The following ANKRD12 variants were observed in gnomAD, a reference collection of about 807,000 sequenced individuals.
ANKRD12 encodes the protein ankyrin repeat domain-containing protein 12.
In ANKRD12, 85 loss-of-function variants were observed where a neutral mutation model predicts 183.4. That is an observed-to-expected ratio of 0.46 (90% CI 0.39 to 0.56). The LOEUF (loss-of-function observed/expected upper bound fraction) is 0.56. Among genes scored for constraint, ANKRD12 ranks in the 20% least tolerant of loss-of-function variants. ANKRD12 has a pLI of 0.00. For synonymous variants in ANKRD12, 914 were observed against 800.2 expected, an observed-to-expected ratio of 1.14 and a Z score of -2.40; for missense variants, 2,405 against 2,357.1, an observed-to-expected ratio of 1.02 and a Z score of -0.42.
At chr18:9,160,453 T>C (rs2031249583) in intron 1 of ANKRD12, among the ~76,000 whole-genome samples, 2 of 152,194 alleles carry the variant, frequency 1.3e-5, no homozygotes, top group Non-Finnish European at 2.9e-5. Flanking sequence ...TTTTTTAGTA[T>C]ATTCACAGTG....
rs574903678 is a variant in ANKRD12, at chr18:9,234,281, C to G, written c.943+12282C>G. Among the ~76,000 whole-genome samples the G allele has an allele frequency of 3.9e-5, 6 of 152,274 alleles. No homozygotes were observed. In the South Asian group the frequency reaches 1.2e-3, roughly 32 times the overall value. The stretch of plus-strand genomic sequence containing the variant: ...GTGCCTGCAATGGTGTTTGGAGCGG[C>G]AGAAGGGATCCCACTCTACATGTGA... On this transcript the variant is annotated intron_variant, in intron 8 of 12. Coordinates refer to ENST00000262126, the MANE Select transcript of ANKRD12 (RefSeq NM_015208.5).
intron 2 of ANKRD12, among the ~76,000 whole-genome samples, chr18:9,185,017 A>T (rs527626901): frequency 6.6e-6 from 1 of 152,236 alleles, no homozygotes; most frequent in Non-Finnish European, 1.5e-5. Flanking sequence ...ATAGCCTAAT[A>T]GTAGAATTAG....
chr18:9,146,512 A>G (rs758578869), intron 1 of ANKRD12, among the ~76,000 whole-genome samples: 3 of 152,212 alleles, frequency 2.0e-5, no homozygotes, highest in Non-Finnish European at 4.4e-5. Context: ...GTGAGACTCC[A>G]TCTCCATAAA....
intron 8 of ANKRD12, 128 bp from the exon 9 acceptor site, chr18:9,254,083 C>A (rs908235111): frequency 9.3e-6 from 10 of 1,072,668 alleles, no homozygotes; most frequent in African/African-American, 8.2e-5. Flanking sequence ...CCATATAAAT[C>A]TGAAGTGATT....
intron 8 of ANKRD12, among the ~76,000 whole-genome samples, chr18:9,224,229 A>G (rs1349801329): frequency 2.0e-5 from 3 of 152,200 alleles, no homozygotes; most frequent in Non-Finnish European, 4.4e-5. Context: ...AGAATACTGT[A>G]TATAGATCTT....
At chr18:9,232,941 C>G (rs1234985521) in intron 8 of ANKRD12, among the ~76,000 whole-genome samples, 3 of 150,866 alleles carry the variant, frequency 2.0e-5, no homozygotes, top group Non-Finnish European at 4.4e-5. Flanking sequence ...CCTCTGCCTC[C>G]CAGGTCCAGG....
At chr18:9,261,717 T>C (rs2038976697) in intron 9 of ANKRD12, among the ~76,000 whole-genome samples, 1 of 152,204 alleles carries the variant, frequency 6.6e-6, no homozygotes. Context: ...CTGTTTGTTT[T>C]TGCATGCCAT....
At position 9,256,470 on chromosome 18, in the gene ANKRD12, A is replaced by C; in HGVS notation, c.3203A>C (p.Lys1068Thr). 2 of 1,613,716 alleles carry C rather than the reference A, an allele frequency of 1.2e-6. No individual in the cohort carries two copies. The highest frequency in any genetic ancestry group is 1.7e-6 in the Non-Finnish European group (2 of 1,179,890). The change falls in exon 9 of 13, where the codon AAG becomes ACG. Residue 1068 changes from lysine to threonine, a missense_variant. By Grantham distance (78) the Lys-to-Thr change is moderately conservative. Around this residue, in one of 7 missense-constraint regions of ANKRD12, gnomAD observed 1,983 missense variants for 1,725.9 expected, o/e 1.15. Transcript: ENST00000262126. ...PASKDTRPKE[K>T]RLVNDDLMQT... ...TCAAAAGATACCCGACCTAAAGAAA[A>C]GAGGTTAGTGAATGATGATTTAATG...
chr18:9,161,422 C>G (rs948957787), intron 1 of ANKRD12, among the ~76,000 whole-genome samples: 1 of 151,768 alleles, frequency 6.6e-6, no homozygotes, highest in African/African-American at 2.4e-5. Flanking sequence ...GTCACCCAGG[C>G]TGGAGTGCAG....
chr18:9,266,605 T>C (rs897175750), intron 10 of ANKRD12, among the ~76,000 whole-genome samples: 20 of 152,122 alleles, frequency 1.3e-4, no homozygotes, highest in African/African-American at 4.8e-4. Flanking sequence ...CTAAAAGAGC[T>C]CCTGAAGGAA....
At chr18:9,280,820 C>A in intron 12 of ANKRD12, 121 bp from the exon 13 acceptor site, 2 of 878,072 alleles carry the variant, frequency 2.3e-6, no homozygotes, top group Non-Finnish European at 3.5e-6. Flanking sequence ...ACTTGTAATT[C>A]AAATGCTTTT....
rs567615552 is a variant in ANKRD12, at chr18:9,231,069, A to G, written c.943+9070A>G. Among the ~76,000 whole-genome samples the G allele has an allele frequency of 1.9e-4, 29 of 152,048 alleles. No homozygotes were observed. In the South Asian group the frequency reaches 5.4e-3, roughly 28 times the overall value. ...TATTGTTTAATTTTTGTGTATTTGT[A>G]TAGTGTTCAAAGTTCCTTTTGGTAT... On this transcript the variant is annotated intron_variant, in intron 8 of 12. Transcript: ENST00000262126.
At chr18:9,155,037 A>C (rs1281846474) in intron 1 of ANKRD12, among the ~76,000 whole-genome samples, 1 of 152,200 alleles carries the variant, frequency 6.6e-6, no homozygotes, top group African/African-American at 2.4e-5. Context: ...AACTTCACAC[A>C]TTTAGGTACC....
intron 8 of ANKRD12, among the ~76,000 whole-genome samples, chr18:9,253,284 A>G (rs2038408150): frequency 6.6e-6 from 1 of 152,204 alleles, no homozygotes; most frequent in Non-Finnish European, 1.5e-5. Flanking sequence ...ACTGAACACT[A>G]GATCTAATTT....
chr18:9,280,675 G>A (rs993309276), intron 12 of ANKRD12, among the ~76,000 whole-genome samples: 8 of 152,120 alleles, frequency 5.3e-5, no homozygotes, highest in Admixed American at 5.2e-4. Context: ...TGTAGTCTCA[G>A]CTACTTGGGA....
chr18:9,194,450 AGATTCAAGT>A (rs1195540778), intron 2 of ANKRD12, among the ~76,000 whole-genome samples: 1 of 151,896 alleles, frequency 6.6e-6, no homozygotes, highest in African/African-American at 2.4e-5. Context: ...CCTGCCTCCC[AGATTCAAGT>A]GATTCTCCTG....
intron 1 of ANKRD12, among the ~76,000 whole-genome samples, chr18:9,147,010 T>C (rs1273911630): frequency 1.3e-5 from 2 of 152,234 alleles, no homozygotes; most frequent in Non-Finnish European, 2.9e-5. Flanking sequence ...GGAAATGATG[T>C]TGTATGTAAG....
At chr18:9,242,905 C>T (rs2037744394) in intron 8 of ANKRD12, among the ~76,000 whole-genome samples, 1 of 152,148 alleles carries the variant, frequency 6.6e-6, no homozygotes, top group Non-Finnish European at 1.5e-5. Context: ...TCTTATCTGG[C>T]ATACTTACCT....
intron 2 of ANKRD12, among the ~76,000 whole-genome samples, chr18:9,189,952 A>G (rs1329758113): frequency 6.6e-6 from 1 of 152,214 alleles, no homozygotes; most frequent in Non-Finnish European, 1.5e-5. Context: ...AACAAGTCTT[A>G]TTAAAGAAGT....
Sources: gnomAD v4.1 joint callset for allele counts (sites outside exome capture counted in the v4.1 genomes callset) on GRCh38, gnomAD v4.1.1 for gene constraint, gnomAD v4.1.1 regional missense constraint, MANE v1.5 for transcripts, NCBI Gene and HGNC (gene_info 2026-07-23, HGNC 2026-07-21) for gene names.